HIVEP3: variants seen among roughly 807,000 people sequenced by gnomAD.
The protein encoded by HIVEP3 is transcription factor HIVEP3.
A neutral mutation model predicts 152.8 loss-of-function variants in HIVEP3; 49 were observed. That is an observed-to-expected ratio of 0.32 (90% CI 0.26 to 0.41). The LOEUF (loss-of-function observed/expected upper bound fraction) is 0.41, where lower values mean the gene tolerates loss of function less well. Among genes scored for constraint, HIVEP3 ranks in the 10% least tolerant of loss-of-function variants. The pLI is 1.00. For synonymous variants in HIVEP3, 1,269 were observed against 1,289.0 expected, an observed-to-expected ratio of 0.98 and a Z score of 0.33; for missense variants, 2,790 against 3,103.3, an observed-to-expected ratio of 0.90 and a Z score of 2.40.
chr1:41,580,475 G>A lies in HIVEP3; in HGVS notation c.4323C>T (p.Thr1441=), dbSNP rs1322674051. 3.1e-6 allele frequency: 5 copies of A among 1,614,162 alleles called. No individual in the cohort carries two copies. The highest frequency in any genetic ancestry group is 2.5e-6 in the Non-Finnish European group (3 of 1,180,042). The stretch of plus-strand genomic sequence containing the variant: ...CTCTTTTTTGCTGCTGGGTTTCCAT[G>A]GTAAGTTCAAGGCTGCCAGCTGGTG... The part of the protein sequence containing the change: ...VLSPAGSLEL[T]METQQQKRVK... Residue 1441 remains threonine (T), a synonymous_variant, in exon 4 of 9, where the codon ACC becomes ACT. Coordinates refer to ENST00000372583, the MANE Select transcript of HIVEP3 (RefSeq NM_024503.5).
rs140935686 is a variant in HIVEP3, at chr1:41,873,234, G to C, written c.-801+45179C>G. 1.3e-5 allele frequency among the ~76,000 whole-genome samples: 2 copies of C among 152,228 alleles called. No individual in the cohort carries two copies. The highest frequency in any genetic ancestry group is 1.9e-4 in the East Asian group (1 of 5,182). ...CCTTCAGTGGACGTGCAGCCCCTTC[G>C]GTGCTCCTCTCTTCATCTGCCTTCA... On this transcript the variant is annotated intron_variant, in intron 1 of 8. Transcript: ENST00000372583. This position sits in a 1 kb window ranked among gnomAD's most constrained non-coding sequence, Gnocchi z 4.2.
At chr1:41,606,130 A>G (rs1644819630) in intron 3 of HIVEP3, among the ~76,000 whole-genome samples, 1 of 150,018 alleles carries the variant, frequency 6.7e-6, no homozygotes, top group Admixed American at 6.6e-5. Flanking sequence ...GTGAAACTGC[A>G]GAGTTTTTCG....
intron 1 of HIVEP3, among the ~76,000 whole-genome samples, chr1:41,740,326 T>A (rs28420792): frequency 4.6e-4 from 70 of 151,940 alleles, no homozygotes; most frequent in African/African-American, 1.7e-3. Flanking sequence ...AGCCAGAGAG[T>A]GGATGAGTTA....
intron 1 of HIVEP3, among the ~76,000 whole-genome samples, chr1:41,837,318 A>ATTATTT (rs1167483630): frequency 6.6e-6 from 1 of 151,934 alleles, no homozygotes; most frequent in Admixed American, 6.6e-5. Flanking sequence ...TGCTCTTTTT[A>ATTATTT]TTATTTTTAT....
At chr1:41,992,618 T>A (rs1645369783) in intron 1 of HIVEP3, among the ~76,000 whole-genome samples, 1 of 142,520 alleles carries the variant, frequency 7.0e-6, no homozygotes, top group Non-Finnish European at 1.5e-5. Flanking sequence ...AAGCTACCAA[T>A]GCCTTTCTTC....
At position 41,638,744 on chromosome 1, in the gene HIVEP3, C is replaced by T. The variant is rs553343363; in HGVS notation, c.-720-9797G>A. On this transcript the variant is annotated intron_variant, in intron 2 of 8. Coordinates refer to ENST00000372583, the MANE Select transcript of HIVEP3 (RefSeq NM_024503.5). Reference sequence around the variant, plus strand: ...CATGAGGAGGGAGGGCCCTTGCTCTCCACTCTCCACCAACACATCAAAGCA... The same window carrying T: ...CATGAGGAGGGAGGGCCCTTGCTCTTCACTCTCCACCAACACATCAAAGCA... Among the ~76,000 whole-genome samples the T allele has an allele frequency of 6.7e-4, 102 of 152,322 alleles. 1 individual carries two copies. Among genetic ancestry groups the T allele is most frequent in the African/African-American group, 2.4e-3 (100 of 41,554 alleles).
intron 5 of HIVEP3, among the ~76,000 whole-genome samples, chr1:41,529,538 A>AC (rs201025558): frequency 2.1e-5 from 1 of 47,906 alleles, no homozygotes; most frequent in African/African-American, 9.4e-5. Flanking sequence ...ACCCTCACAC[A>AC]CCCGACTCTC....
intron 3 of HIVEP3, among the ~76,000 whole-genome samples, chr1:41,592,664 G>GGCT (rs1476411709): frequency 6.6e-6 from 1 of 152,204 alleles, no homozygotes; most frequent in African/African-American, 2.4e-5. Context: ...CTGGGGGAAG[G>GGCT]GCTGGGGAAG....
At chr1:41,720,580 C>T (rs1307409087) in intron 1 of HIVEP3, among the ~76,000 whole-genome samples, 1 of 148,044 alleles carries the variant, frequency 6.8e-6, no homozygotes, top group Non-Finnish European at 1.5e-5. Flanking sequence ...GAAATTAGAA[C>T]ACTTGTGCAC....
At chr1:41,722,652 C>A (rs1363415482) in intron 1 of HIVEP3, among the ~76,000 whole-genome samples, 1 of 151,518 alleles carries the variant, frequency 6.6e-6, no homozygotes, top group Non-Finnish European at 1.5e-5. Flanking sequence ...GCAGGACAGT[C>A]TCTATTCTGT....
chr1:41,891,851 G>GA (rs1266468730), intron 1 of HIVEP3, among the ~76,000 whole-genome samples: 1 of 152,182 alleles, frequency 6.6e-6, no homozygotes, highest in Non-Finnish European at 1.5e-5. Flanking sequence ...CATTGCTTGT[G>GA]AAAAGAGATG....
At position 41,518,415 on chromosome 1, in the gene HIVEP3, C is replaced by T; in HGVS notation, c.5457G>A (p.Leu1819=). 6.2e-7 allele frequency: 1 copy of T among 1,614,154 alleles called. No individual in the cohort carries two copies. Among genetic ancestry groups the T allele is most frequent in the African/African-American group, 1.3e-5 (1 of 75,054 alleles). ...GGCAATTGTTACCTTCTTCGGCTTCCAGCTCCTCCAGCACCCCTGTCTCTT... is the reference window on the plus strand; with the variant it reads ...GGCAATTGTTACCTTCTTCGGCTTCTAGCTCCTCCAGCACCCCTGTCTCTT... ...KCQETGVLEE[L]EAEEGTSDDL... The change falls in exon 7 of 9, where the codon CTG becomes CTA. Residue 1819 remains leucine (L), a synonymous_variant. Coordinates refer to ENST00000372583, the MANE Select transcript of HIVEP3 (RefSeq NM_024503.5).
At chr1:41,719,419 T>C (rs1570391395) in intron 1 of HIVEP3, among the ~76,000 whole-genome samples, 1 of 152,354 alleles carries the variant, frequency 6.6e-6, no homozygotes, top group Middle Eastern at 3.4e-3. Flanking sequence ...CCTTCATTCA[T>C]ATGAATAACT....
rs1442800661 is a variant in HIVEP3, at chr1:42,028,854, G to A, written n.119+6953C>T. On this transcript the variant is annotated intron_variant and non_coding_transcript_variant, in intron 1 of 3. Transcript: ENST00000489103. ...GATAAATGGGTGAAGAGGCCAGGGT[G>A]GGGAATATGGCAAACTCAGGAGCCT... Among the ~76,000 whole-genome samples the A allele has an allele frequency of 2.6e-5, 4 of 152,306 alleles. No individual in the cohort carries two copies. The East Asian group carries it at 7.7e-4, about 29-fold the overall frequency.
intron 1 of HIVEP3, among the ~76,000 whole-genome samples, chr1:42,016,639 T>C (rs1363075230): frequency 6.6e-6 from 1 of 152,154 alleles, no homozygotes; most frequent in African/African-American, 2.4e-5. Flanking sequence ...CAATGAAATA[T>C]ATATTTCTTT....
chr1:41,762,127 C>G (rs1229723840), intron 1 of HIVEP3, among the ~76,000 whole-genome samples: 1 of 152,172 alleles, frequency 6.6e-6, no homozygotes, highest in East Asian at 1.9e-4. Context: ...AACCAATCAG[C>G]ATGCACTGCT....
At chr1:41,719,280 C>G (rs955587904) in intron 1 of HIVEP3, among the ~76,000 whole-genome samples, 4 of 152,198 alleles carry the variant, frequency 2.6e-5, no homozygotes, top group African/African-American at 9.7e-5. Context: ...CACAGAGGCT[C>G]AAACTGTTAG....
At chr1:41,724,494 G>A (rs1274789579) in intron 1 of HIVEP3, among the ~76,000 whole-genome samples, 1 of 152,228 alleles carries the variant, frequency 6.6e-6, no homozygotes, top group African/African-American at 2.4e-5. Context: ...AGAAAACCAA[G>A]GATCAGAGAA....
At chr1:41,658,582 C>T (rs1023988762) in intron 2 of HIVEP3, among the ~76,000 whole-genome samples, 2 of 152,188 alleles carry the variant, frequency 1.3e-5, no homozygotes, top group Non-Finnish European at 1.5e-5. Flanking sequence ...TTCACCCCCC[C>T]CATGAGCCTC....
Sources: allele counts gnomAD v4.1 joint callset (sites outside exome capture counted in the v4.1 genomes callset), GRCh38; gene constraint gnomAD v4.1.1; non-coding constraint Gnocchi (gnomAD v3.1); transcripts MANE v1.5; gene names NCBI Gene and HGNC (gene_info 2026-07-23, HGNC 2026-07-21).